PCBD2: variants seen among roughly 807,000 people sequenced by gnomAD.
PCBD2 encodes the protein pterin-4 alpha-carbinolamine dehydratase 2.
In PCBD2, 12 loss-of-function variants were observed where a neutral mutation model predicts 16.4. That is an observed-to-expected ratio of 0.73 (90% CI 0.47 to 1.19). The LOEUF (loss-of-function observed/expected upper bound fraction) is 1.19, where lower values mean the gene tolerates loss of function less well. Ranked by LOEUF, PCBD2 falls within the 50% of genes most tolerant of loss-of-function variation. The pLI is 0.00. For missense variants in PCBD2, 138 were observed against 156.8 expected (o/e 0.88, Z 0.64); for synonymous variants, 58 against 61.8 (o/e 0.94, Z 0.29).
intron 2 of PCBD2, among the ~76,000 whole-genome samples, chr5:134,919,790 T>A (rs975561187): frequency 1.3e-5 from 2 of 152,246 alleles, no homozygotes; most frequent in African/African-American, 4.8e-5. Flanking sequence ...TGCTCATTTC[T>A]GTTCTGTTTC....
In PCBD2 at chr5:134,910,359, G is replaced by A. The variant is rs535360649; in HGVS notation, c.109G>A (p.Ala37Thr). The A allele has an allele frequency of 6.2e-7, 1 of 1,613,926 alleles. No homozygotes were observed. The highest frequency in any genetic ancestry group is 1.7e-5 in the Admixed American group (1 of 60,004). ...AMSSGTHRLT[A>T]EERNQAILDL... ...GTCATCAGGTACTCACAGGTTGACT[G>A]CAGAGGAGAGGAACCAAGCTATACT... Residue 37 changes from alanine to threonine, a missense_variant, in exon 2 of 4, where the codon GCA (alanine) becomes ACA (threonine). Coordinates refer to ENST00000254908, the MANE Select transcript of PCBD2 (RefSeq NM_032151.5).
intron 2 of PCBD2, among the ~76,000 whole-genome samples, chr5:134,946,037 T>C (rs1304134205): frequency 4.0e-5 from 6 of 151,688 alleles, no homozygotes. Context: ...TAAGCCCTGG[T>C]ATTTTTCTTT....
At chr5:134,952,098 A>G (rs918058489) in intron 2 of PCBD2, among the ~76,000 whole-genome samples, 21 of 149,982 alleles carry the variant, frequency 1.4e-4, no homozygotes, top group Admixed American at 1.3e-3. Context: ...ATTTTAAATG[A>G]TATCTTTTCT....
Position 134,953,380 on chromosome 5 carries a change from G to A in PCBD2, c.217-5660G>A, listed in dbSNP as rs565207648. 9.5e-5 allele frequency among the ~76,000 whole-genome samples: 14 copies of A among 147,702 alleles called. No homozygotes were observed. In the South Asian group the frequency reaches 1.9e-3, roughly 20 times the overall value. On this transcript the variant is annotated intron_variant, in intron 2 of 3. Transcript: ENST00000254908. ...TACCTTATGGATAATATAGTATATC[G>A]TATATATATATAATACCTATATATA...
intron 1 of PCBD2, among the ~76,000 whole-genome samples, chr5:134,909,906 C>T (rs1750745906): frequency 6.6e-6 from 1 of 152,082 alleles, no homozygotes; most frequent in Admixed American, 6.5e-5. Context: ...CCCTCTCTAC[C>T]AAAAATACAA....
chr5:134,927,017 G>A (rs1034821807), intron 2 of PCBD2: 4 of 398,354 alleles, frequency 1.0e-5, no homozygotes, highest in African/African-American at 8.2e-5. Flanking sequence ...GAATTATGAT[G>A]CGACTGTGGG....
chr5:134,947,168 T>C (rs2149538841), intron 2 of PCBD2, among the ~76,000 whole-genome samples: 1 of 151,576 alleles, frequency 6.6e-6, no homozygotes, highest in South Asian at 2.1e-4. Context: ...TAATGGCTCA[T>C]TGCAATCCCT....
chr5:134,924,072 C>G (rs1750948210), intron 2 of PCBD2: 4 of 396,950 alleles, frequency 1.0e-5, no homozygotes, highest in Non-Finnish European at 1.8e-5. Flanking sequence ...AGTTGAAATA[C>G]AATGATGGTT....
At chr5:134,944,186 C>T (rs1186689522) in intron 2 of PCBD2, among the ~76,000 whole-genome samples, 1 of 152,160 alleles carries the variant, frequency 6.6e-6, no homozygotes, top group East Asian at 1.9e-4. Context: ...ACTTTAAACC[C>T]TTCCCTTAAG....
intron 2 of PCBD2, chr5:134,925,371 G>T: frequency 2.5e-6 from 1 of 398,364 alleles, no homozygotes; most frequent in South Asian, 1.3e-4. Flanking sequence ...GTATGGTTTT[G>T]AGTAGTCCTC....
At chr5:134,910,058 A>G (rs1445529246) in intron 1 of PCBD2, among the ~76,000 whole-genome samples, 2 of 152,222 alleles carry the variant, frequency 1.3e-5, no homozygotes, top group African/African-American at 4.8e-5. Context: ...CGACAGAGCG[A>G]GACCCTGTCT....
At chr5:134,938,934 G>A (rs1751192978) in intron 2 of PCBD2, among the ~76,000 whole-genome samples, 1 of 152,148 alleles carries the variant, frequency 6.6e-6, no homozygotes, top group South Asian at 2.1e-4. Context: ...GCAGGGCCTA[G>A]CTGCACATCT....
intron 2 of PCBD2, among the ~76,000 whole-genome samples, chr5:134,946,337 T>C (rs1751295122): frequency 6.6e-6 from 1 of 152,292 alleles, no homozygotes; most frequent in African/African-American, 2.4e-5. Context: ...AGACAACTTA[T>C]GAGACGGTTT....
chr5:134,917,902 T>C (rs1055691159), intron 2 of PCBD2, among the ~76,000 whole-genome samples: 1 of 152,210 alleles, frequency 6.6e-6, no homozygotes, highest in Non-Finnish European at 1.5e-5. Context: ...AATGTTTTAT[T>C]GAGGAATTTG....
chr5:134,928,272 T>G (rs1751044985), intron 2 of PCBD2: 1 of 388,382 alleles, frequency 2.6e-6, no homozygotes, highest in Non-Finnish European at 4.6e-6. Context: ...TATACTAGTA[T>G]TCCTAGAAGT....
At chr5:134,943,712 C>T (rs1029588047) in intron 2 of PCBD2, among the ~76,000 whole-genome samples, 6 of 152,034 alleles carry the variant, frequency 3.9e-5, no homozygotes, top group East Asian at 3.9e-4. Flanking sequence ...CTTCTGGGAC[C>T]GGTAGGAATG....
chr5:134,907,055 G>T (rs1203000198), intron 1 of PCBD2, among the ~76,000 whole-genome samples: 3 of 152,216 alleles, frequency 2.0e-5, no homozygotes, highest in African/African-American at 7.2e-5. Context: ...ACTGATCTTA[G>T]CGGGGATGTG....
chr5:134,931,557 T>C (rs1233311554), intron 2 of PCBD2, among the ~76,000 whole-genome samples: 2 of 152,176 alleles, frequency 1.3e-5, no homozygotes, highest in African/African-American at 2.4e-5. Context: ...ATTTTGCTAA[T>C]GGTGGAAAAG....
At chr5:134,916,513 A>G (rs1486979870) in intron 2 of PCBD2, among the ~76,000 whole-genome samples, 1 of 152,214 alleles carries the variant, frequency 6.6e-6, no homozygotes, top group Non-Finnish European at 1.5e-5. Flanking sequence ...CTGCTATGAA[A>G]AATGAACTAT....
Sources: allele counts gnomAD v4.1 joint callset (sites outside exome capture counted in the v4.1 genomes callset), GRCh38; gene constraint gnomAD v4.1.1; transcripts MANE v1.5; gene names NCBI Gene and HGNC (gene_info 2026-07-23, HGNC 2026-07-21).